SCHIP1: variants seen among roughly 807,000 people sequenced by gnomAD.
SCHIP1 encodes the protein schwannomin interacting protein 1, also known as schwannomin-interacting protein 1.
In SCHIP1, 8 loss-of-function variants were observed where a neutral mutation model predicts 29.7. That is an observed-to-expected ratio of 0.27 (90% CI 0.16 to 0.49). The LOEUF (loss-of-function observed/expected upper bound fraction) is 0.49, where lower values mean the gene tolerates loss of function less well. SCHIP1 is among the 20% of genes least tolerant of loss of function. The probability of loss-of-function intolerance (pLI) is 0.99; values close to 1 mark genes in which losing one functional copy is unlikely to be tolerated. For synonymous variants in SCHIP1, 76 were observed against 94.9 expected (o/e 0.80, Z 1.16); for missense variants, 193 against 294.6 (o/e 0.66, Z 2.52).
At chr3:159,553,857 G>A in the SCHIP1 span, among the ~76,000 whole-genome samples, 1 of 152,146 alleles carries the variant, frequency 6.6e-6, no homozygotes, top group South Asian at 2.1e-4. Context: ...CTGGAGTGCA[G>A]TGGTGCAATC....
the SCHIP1 span, among the ~76,000 whole-genome samples, chr3:159,379,221 G>T: frequency 6.8e-6 from 1 of 146,634 alleles, no homozygotes; most frequent in Admixed American, 6.6e-5. Flanking sequence ...GGTTTTTTTG[G>T]TTTTTGTTTT....
chr3:159,347,952 G>A, the SCHIP1 span, among the ~76,000 whole-genome samples: 2 of 152,156 alleles, frequency 1.3e-5, no homozygotes, highest in Non-Finnish European at 2.9e-5. Flanking sequence ...GATTCAGTGA[G>A]AAGATTGTGC....
chr3:159,422,174 T>C, the SCHIP1 span, among the ~76,000 whole-genome samples: 4 of 152,328 alleles, frequency 2.6e-5, no homozygotes, highest in South Asian at 4.1e-4. Context: ...GTTAGTAATA[T>C]GCTAAGCAGA....
chr3:159,341,322 G>T, the SCHIP1 span, among the ~76,000 whole-genome samples: 1 of 152,084 alleles, frequency 6.6e-6, no homozygotes, highest in Non-Finnish European at 1.5e-5. Flanking sequence ...CTCCCCTGCT[G>T]TGTGCCCCGC....
the SCHIP1 span, among the ~76,000 whole-genome samples, chr3:159,463,741 G>T: frequency 1.5e-4 from 23 of 149,438 alleles, no homozygotes; most frequent in African/African-American, 5.2e-4. Context: ...AACAGAATGA[G>T]ATATATATAT....
the SCHIP1 span, among the ~76,000 whole-genome samples, chr3:159,491,292 G>C: frequency 5.3e-5 from 8 of 152,338 alleles, no homozygotes; most frequent in African/African-American, 1.9e-4. Context: ...TGCATGAGTC[G>C]AAGCAGGGCG....
At chr3:159,813,042 A>G in the SCHIP1 span, among the ~76,000 whole-genome samples, 61 of 152,330 alleles carry the variant, frequency 4.0e-4, no homozygotes, top group African/African-American at 1.4e-3. Context: ...AAGAGATGGT[A>G]TTAATCCCTT....
chr3:159,373,200 A>C, the SCHIP1 span, among the ~76,000 whole-genome samples: 1 of 151,786 alleles, frequency 6.6e-6, no homozygotes, highest in Admixed American at 6.6e-5. Context: ...TATCCTCTAC[A>C]TACTTTTATT....
chr3:159,400,190 G>A, the SCHIP1 span, among the ~76,000 whole-genome samples: 1 of 152,136 alleles, frequency 6.6e-6, no homozygotes, highest in African/African-American at 2.4e-5. Context: ...AAACAATATA[G>A]AATAACATGA....
At chr3:159,567,949 T>C in the SCHIP1 span, among the ~76,000 whole-genome samples, 2 of 152,154 alleles carry the variant, frequency 1.3e-5, no homozygotes, top group African/African-American at 2.4e-5. Context: ...TATCTTTTCA[T>C]TTGTTTAGGT....
the SCHIP1 span, among the ~76,000 whole-genome samples, chr3:159,650,682 A>T: frequency 1.3e-5 from 2 of 152,210 alleles, no homozygotes; most frequent in South Asian, 4.1e-4. Context: ...ACAGCAAAAA[A>T]GTGGAACCTG....
At chr3:159,447,759 A>G in the SCHIP1 span, among the ~76,000 whole-genome samples, 2 of 152,224 alleles carry the variant, frequency 1.3e-5, no homozygotes, top group Admixed American at 1.3e-4. Context: ...ATACTTTAAC[A>G]TATGAGTGAA....
chr3:159,539,232 T>TATTA, the SCHIP1 span, among the ~76,000 whole-genome samples: 15 of 139,244 alleles, frequency 1.1e-4, no homozygotes, highest in East Asian at 2.3e-4. Context: ...GTCAATAATA[T>TATTA]GGATCAATTT....
At chr3:159,646,970 A>G in the SCHIP1 span, among the ~76,000 whole-genome samples, 2 of 152,156 alleles carry the variant, frequency 1.3e-5, no homozygotes, top group Non-Finnish European at 2.9e-5. Flanking sequence ...ATATCCATGT[A>G]GATCTGGAAC....
intron 2 of SCHIP1, among the ~76,000 whole-genome samples, chr3:159,874,831 T>C (rs375275980): frequency 2.0e-5 from 3 of 152,198 alleles, no homozygotes; most frequent in African/African-American, 7.2e-5. Context: ...AAATAATAGA[T>C]GCATACTGTA....
chr3:159,768,617 A>G, the SCHIP1 span: 1 of 152,336 alleles, frequency 6.6e-6, no homozygotes, highest in Non-Finnish European at 1.5e-5. Context: ...CTCTCTTGGT[A>G]TCTGTGGAGG....
chr3:159,364,173 C>T, the SCHIP1 span, among the ~76,000 whole-genome samples: 2 of 152,062 alleles, frequency 1.3e-5, no homozygotes, highest in Non-Finnish European at 2.9e-5. Flanking sequence ...TTCAGCTTGT[C>T]TCAAGATAAG....
At chr3:159,623,508 C>T in the SCHIP1 span, among the ~76,000 whole-genome samples, 2 of 152,144 alleles carry the variant, frequency 1.3e-5, no homozygotes, top group Non-Finnish European at 2.9e-5. Context: ...TGCCTGTAAT[C>T]CCAGCTACCA....
At chr3:159,596,149 G>A in the SCHIP1 span, among the ~76,000 whole-genome samples, 9,498 of 152,170 alleles carry the variant, frequency 0.062, 1,016 homozygotes, top group African/African-American at 0.22. Flanking sequence ...GATATGAACA[G>A]ACACTTCTCA....
Sources: gnomAD v4.1 joint callset for allele counts (sites outside exome capture counted in the v4.1 genomes callset) on GRCh38, gnomAD v4.1.1 for gene constraint, MANE v1.5 for transcripts, NCBI Gene and HGNC (gene_info 2026-07-23, HGNC 2026-07-21) for gene names.